The following FAXC variants were observed in gnomAD, a reference collection of about 807,000 sequenced individuals.
FAXC encodes failed axon connections homolog, metaxin like GST domain containing.
Under a neutral mutation model 41.9 loss-of-function variants are expected in FAXC, and 10 were observed. The ratio of observed to expected loss-of-function variants is 0.24; its 90% CI spans 0.15 to 0.41. FAXC has a LOEUF of 0.41. Ranked by LOEUF, FAXC falls within the 10% of genes least tolerant of loss-of-function variation. The pLI, the probability that FAXC is intolerant of heterozygous loss-of-function variation, is 1.00. For synonymous variants in FAXC, 183 were observed against 183.8 expected (o/e 1.00, Z 0.03); for missense variants, 399 against 510.9 (o/e 0.78, Z 2.11).
intron 4 of FAXC, among the ~76,000 whole-genome samples, chr6:99,307,327 C>CT (rs1190420419): frequency 1.3e-5 from 2 of 151,926 alleles, no homozygotes; most frequent in Non-Finnish European, 2.9e-5. Flanking sequence ...AGATACGAGA[C>CT]TTAAAGAGAT....
chr6:99,301,070 C>T (rs1426575049), intron 4 of FAXC, among the ~76,000 whole-genome samples: 1 of 152,242 alleles, frequency 6.6e-6, no homozygotes, highest in African/African-American at 2.4e-5. Flanking sequence ...CAAACATGTA[C>T]ATAATCACCA....
intron 5 of FAXC, among the ~76,000 whole-genome samples, chr6:99,289,155 C>T (rs1771137122): frequency 6.6e-6 from 1 of 152,154 alleles, no homozygotes; most frequent in Admixed American, 6.5e-5. Context: ...TTGATTAATT[C>T]TTGTCAACCC....
At chr6:99,281,530 A>G in intron 5 of FAXC, 77 bp from the exon 6 acceptor site, 1 of 1,161,418 alleles carries the variant, frequency 8.6e-7, no homozygotes, top group South Asian at 1.4e-5. Context: ...TGTTGCCCCA[A>G]AACTCCAATG....
chr6:99,346,521 T>C (rs991348739), intron 1 of FAXC, among the ~76,000 whole-genome samples: 3 of 152,118 alleles, frequency 2.0e-5, no homozygotes, highest in Non-Finnish European at 4.4e-5. Context: ...CGAGTAGCTA[T>C]AGGACTACAG....
intron 5 of FAXC, among the ~76,000 whole-genome samples, chr6:99,289,713 G>A (rs897622476): frequency 2.7e-5 from 4 of 148,670 alleles, no homozygotes; most frequent in African/African-American, 1.0e-4. Flanking sequence ...GTGTGTGTGT[G>A]TGTGTGTATA....
chr6:99,290,606 G>A (rs1306579344), intron 5 of FAXC, among the ~76,000 whole-genome samples: 2 of 151,584 alleles, frequency 1.3e-5, no homozygotes, highest in African/African-American at 4.8e-5. Flanking sequence ...GGAGGCTGAG[G>A]CAGGAGAATC....
chr6:99,301,567 A>G (rs779426892), intron 4 of FAXC, among the ~76,000 whole-genome samples: 2 of 152,240 alleles, frequency 1.3e-5, no homozygotes, highest in Non-Finnish European at 2.9e-5. Flanking sequence ...TTTCTCAAAG[A>G]TCACTGAAGC....
intron 4 of FAXC, among the ~76,000 whole-genome samples, chr6:99,310,680 A>G (rs1047462059): frequency 2.6e-5 from 4 of 152,222 alleles, no homozygotes; most frequent in African/African-American, 9.6e-5. Flanking sequence ...AGCTAGATTG[A>G]CAGGCATAAT....
In FAXC at chr6:99,297,566, G is replaced by A. The variant is rs62423988; in HGVS notation, c.824-5746C>T. ...TCCAGTGGGGGAGGGGGTGCCATAC[G>A]CAGCATAACTGAGGAAGTGCTCACA... On this transcript the variant is annotated intron_variant, in intron 4 of 5. Transcript: ENST00000389677. Among the ~76,000 whole-genome samples, 724 of 152,236 alleles carry A rather than the reference G, an allele frequency of 4.8e-3. 5 individuals are homozygous for A. Among genetic ancestry groups the A allele is most frequent in the Admixed American group, 7.3e-3 (111 of 15,288 alleles).
chr6:99,290,409 A>G (rs1206983390), intron 5 of FAXC, among the ~76,000 whole-genome samples: 2 of 152,064 alleles, frequency 1.3e-5, no homozygotes, highest in Non-Finnish European at 2.9e-5. Context: ...AACATAAATA[A>G]TACTTTGGGC....
rs1773099192 is a variant in FAXC at position 99,333,346 on chromosome 6, C to A, written c.599+5G>T. ...AAGGACGGGGACACCCCAGAGGGGACTCACCAGTAGAAGTGCTCCTCCACC... is the reference window on the plus strand; with the variant it reads ...AAGGACGGGGACACCCCAGAGGGGAATCACCAGTAGAAGTGCTCCTCCACC... On this transcript the variant is annotated splice_donor_5th_base_variant and intron_variant, in intron 3 of 5. Coordinates refer to ENST00000389677, the MANE Select transcript of FAXC (RefSeq NM_032511.4). 1 of 1,604,284 alleles carries A rather than the reference C, an allele frequency of 6.2e-7. No individual in the cohort carries two copies. The highest frequency in any genetic ancestry group is 1.7e-5 in the Admixed American group (1 of 57,934).
chr6:99,287,726 G>A (rs560282404), intron 5 of FAXC, among the ~76,000 whole-genome samples: 1 of 152,168 alleles, frequency 6.6e-6, no homozygotes, highest in Admixed American at 6.5e-5. Context: ...CAGGCTACTT[G>A]TTTCTACTTA....
chr6:99,323,486 T>A lies in FAXC; in HGVS notation c.781A>T (p.Met261Leu). The A allele has an allele frequency of 6.2e-7, 1 of 1,614,248 alleles. No homozygotes were observed. Among genetic ancestry groups the A allele is most frequent in the Non-Finnish European group, 8.5e-7 (1 of 1,180,034 alleles). ...IGRFSEEEIYMLMEKDMRSLA... is the reference protein window; with the variant it reads ...IGRFSEEEIYLLMEKDMRSLA... ...GACCGCATGTCCTTCTCCATCAGCATGTAAATCTCTTCCTCGGAGAAGCGG... is the reference window on the plus strand; with the variant it reads ...GACCGCATGTCCTTCTCCATCAGCAAGTAAATCTCTTCCTCGGAGAAGCGG... The change falls in exon 4 of 6, where the codon ATG (methionine) becomes TTG (leucine). Residue 261 changes from methionine (M) to leucine (L), a missense_variant. Met to Leu is a conservative substitution (Grantham distance 15). Coordinates refer to ENST00000389677, the MANE Select transcript of FAXC (RefSeq NM_032511.4).
chr6:99,276,800 A>G lies in FAXC; in HGVS notation c.*4364T>C, dbSNP rs1035908166. On this transcript the variant is annotated 3_prime_UTR_variant, in exon 6 of 6. Transcript: ENST00000389677. ...TGTAACATTTTATGTATTTGCATAT[A>G]TGTGTTTTTCTGGGAATAGGGTATA... 6.6e-6 allele frequency: 1 copy of G among 152,198 alleles called. No individual in the cohort carries two copies. Among genetic ancestry groups the G allele is most frequent in the Non-Finnish European group, 1.5e-5 (1 of 68,036 alleles). The allele number at this position is 152,198 out of a possible 1,614,324, so 9.4% of individuals were successfully genotyped here.
At position 99,276,228 on chromosome 6, in the gene FAXC, T is replaced by G. The variant is rs1467378488; in HGVS notation, c.*4936A>C. 1.3e-5 allele frequency: 2 copies of G among 151,846 alleles called. No individual in the cohort carries two copies. The highest frequency in any genetic ancestry group is 2.9e-5 in the Non-Finnish European group (2 of 67,986). The allele number at this position is 151,846 out of a possible 1,614,324, so 9.4% of individuals were successfully genotyped here. ...TCAACAAAAGCCACCAACCTTTTAT[T>G]GAAAATACACTCAACAATTGTTCTA... On this transcript the variant is annotated 3_prime_UTR_variant, in exon 6 of 6. Transcript: ENST00000389677.
chr6:99,333,741 G>C (rs1468033750), intron 2 of FAXC, among the ~76,000 whole-genome samples, 194 bp from the exon 3 acceptor site: 1 of 151,894 alleles, frequency 6.6e-6, no homozygotes, highest in Non-Finnish European at 1.5e-5. Context: ...CTCACATAAA[G>C]ATATCACTTT....
chr6:99,294,631 GA>G (rs1489091600), intron 4 of FAXC, among the ~76,000 whole-genome samples: 5 of 152,152 alleles, frequency 3.3e-5, no homozygotes, highest in African/African-American at 1.2e-4. Flanking sequence ...AAAAGAGGGG[GA>G]GGGGGAGAAA....
At chr6:99,338,344 C>T (rs1421106142) in intron 2 of FAXC, among the ~76,000 whole-genome samples, 3 of 152,166 alleles carry the variant, frequency 2.0e-5, no homozygotes, top group Non-Finnish European at 4.4e-5. Flanking sequence ...AGTCCTGCTG[C>T]TCCAGTTACA....
At chr6:99,295,163 T>C (rs1203511032) in intron 4 of FAXC, among the ~76,000 whole-genome samples, 4 of 152,198 alleles carry the variant, frequency 2.6e-5, no homozygotes, top group African/African-American at 7.2e-5. Flanking sequence ...TGCAAAAATA[T>C]AGGTGGAATT....
Sources: allele counts gnomAD v4.1 joint callset (sites outside exome capture counted in the v4.1 genomes callset), GRCh38; gene constraint gnomAD v4.1.1; transcripts MANE v1.5; gene names NCBI Gene and HGNC (gene_info 2026-07-23, HGNC 2026-07-21).